The following VASH2 variants were observed in gnomAD, a reference collection of about 807,000 sequenced individuals.
The protein encoded by VASH2 is vasohibin 2.
VASH2 carries 28 observed loss-of-function variants against 37.2 expected under a neutral mutation model. That is an observed-to-expected ratio of 0.75 (90% CI 0.56 to 1.03). The LOEUF (loss-of-function observed/expected upper bound fraction) is 1.03, where lower values mean the gene tolerates loss of function less well. Among genes scored for constraint, VASH2 ranks in the 50% least tolerant of loss-of-function variants. The pLI is 0.00. For missense variants in VASH2, 419 were observed against 459.1 expected (o/e 0.91, Z 0.80); for synonymous variants, 188 against 174.7 (o/e 1.08, Z -0.60).
Position 212,951,959 on chromosome 1 carries a change from CT to C in VASH2, c.276+142del. Reference sequence around the variant, plus strand: ...ACTCCCTTCCTCTCCCCATTCCTTCCTGCCAGCCCTTTTCTAATTGAGATAT... The same window carrying C: ...ACTCCCTTCCTCTCCCCATTCCTTCCGCCAGCCCTTTTCTAATTGAGATAT... On this transcript the variant is annotated intron_variant, in intron 2 of 7. Coordinates refer to ENST00000517399, the MANE Select transcript of VASH2 (RefSeq NM_001301056.2). This position sits in a 1 kb window ranked among gnomAD's most constrained non-coding sequence, Gnocchi z 4.4. The C allele has an allele frequency of 9.5e-7, 1 of 1,050,000 alleles. No individual in the cohort carries two copies. The highest frequency in any genetic ancestry group is 1.3e-6 in the Non-Finnish European group (1 of 748,256). 65.0% of individuals were successfully genotyped at this position (1,050,000 alleles called of 1,614,324 possible).
chr1:212,972,147 T>C (rs1667029631), intron 5 of VASH2, among the ~76,000 whole-genome samples: 1 of 152,150 alleles, frequency 6.6e-6, no homozygotes, highest in Non-Finnish European at 1.5e-5. Context: ...CCTTTACCAA[T>C]TGACTTGGGG....
Position 212,974,056 on chromosome 1 carries a change from C to T in VASH2, c.981C>T (p.Gly327=), listed in dbSNP as rs1448450737. ...AGGCAAGCCCCCCGAGGAGGCTCGG[C>T]CGGCGAGAGAAGTCGTGAGTAATAT... The part of the protein sequence containing the change: ...RRQASPPRRL[G]RREKSPALPE... The change falls in exon 7 of 8, where the codon GGC becomes GGT. Residue 327 remains glycine (G), a synonymous_variant. Transcript: ENST00000517399. 3.1e-6 allele frequency: 5 copies of T among 1,612,634 alleles called. No homozygotes were observed. Among genetic ancestry groups the T allele is most frequent in the Admixed American group, 1.7e-5 (1 of 59,798 alleles).
chr1:212,983,826 A>G (rs941465913), intron 7 of VASH2, among the ~76,000 whole-genome samples: 61 of 152,334 alleles, frequency 4.0e-4, no homozygotes, highest in African/African-American at 1.4e-3. Flanking sequence ...ATGCTTGGAA[A>G]GATGCTTTGA....
Position 212,989,343 on chromosome 1 carries a change from A to G in VASH2, c.*759A>G, listed in dbSNP as rs367823251. ...AAATATCACATTGAGAAGCTAGTCT[A>G]TGTTCTGTCACTAACATTTAAACTT... is the stretch of plus-strand genomic sequence containing the variant. On this transcript the variant is annotated 3_prime_UTR_variant, in exon 8 of 8. Transcript: ENST00000517399. 6.6e-5 allele frequency: 10 copies of G among 152,224 alleles called. No homozygotes were observed. The highest frequency in any genetic ancestry group is 2.0e-4 in the Admixed American group (3 of 15,282). 9.4% of individuals were successfully genotyped at this position (152,224 alleles called of 1,614,324 possible). A position where few individuals can be genotyped will look rare whatever the true frequency, so the allele number is the denominator to read the frequency against.
intron 7 of VASH2, among the ~76,000 whole-genome samples, chr1:212,975,934 G>C (rs529738752): frequency 6.6e-6 from 1 of 152,288 alleles, no homozygotes; most frequent in Non-Finnish European, 1.5e-5. Flanking sequence ...ACTAGTCCTG[G>C]TGGATCCGTT....
At chr1:212,953,236 G>A (rs1352684255) in intron 2 of VASH2, among the ~76,000 whole-genome samples, 5 of 68,690 alleles carry the variant, frequency 7.3e-5, no homozygotes, top group Non-Finnish European at 1.6e-4. Flanking sequence ...TGCGCGGGGG[G>A]GGGTGCATTC....
intron 5 of VASH2, chr1:212,969,157 T>C (rs898146257): frequency 1.0e-6 from 1 of 985,214 alleles, no homozygotes; most frequent in African/African-American, 1.7e-5. Flanking sequence ...ATTTGACTCT[T>C]GCACACAGAC....
intron 5 of VASH2, among the ~76,000 whole-genome samples, chr1:212,970,064 T>TTTAG (rs1274346218): frequency 7.9e-5 from 12 of 152,342 alleles, no homozygotes; most frequent in African/African-American, 2.9e-4. Context: ...ATGGTGGGGC[T>TTTAG]TGCTTGTGGT....
chr1:212,988,812 C>A lies in VASH2; in HGVS notation c.*228C>A. ...AAGCCCCACTGGGGTTGGACTATGTCCCTCACTCAAGATCTTAAGGATAAC... is the reference window on the plus strand; with the variant it reads ...AAGCCCCACTGGGGTTGGACTATGTACCTCACTCAAGATCTTAAGGATAAC... On this transcript the variant is annotated 3_prime_UTR_variant, in exon 8 of 8. Coordinates refer to ENST00000517399, the MANE Select transcript of VASH2 (RefSeq NM_001301056.2). 1.9e-6 allele frequency: 1 copy of A among 522,570 alleles called. No homozygotes were observed. Among genetic ancestry groups the A allele is most frequent in the Non-Finnish European group, 3.5e-6 (1 of 289,518 alleles). 32.4% of individuals were successfully genotyped at this position (522,570 alleles called of 1,614,324 possible).
chr1:212,961,491 C>A, intron 3 of VASH2: 1 of 713,632 alleles, frequency 1.4e-6, no homozygotes, highest in Non-Finnish European at 2.1e-6. Context: ...CTTTCTCCCT[C>A]CTCTTCCCTG....
At chr1:212,955,367 T>G (rs1310610736) in intron 2 of VASH2, among the ~76,000 whole-genome samples, 1 of 152,202 alleles carries the variant, frequency 6.6e-6, no homozygotes, top group Non-Finnish European at 1.5e-5. Flanking sequence ...TTTGAGATCC[T>G]CCTTCTAAAT....
chr1:212,985,347 C>G (rs1667449116), intron 7 of VASH2, among the ~76,000 whole-genome samples: 1 of 150,568 alleles, frequency 6.6e-6, no homozygotes, highest in Non-Finnish European at 1.5e-5. Flanking sequence ...AGCCATGATT[C>G]ACTTTTATGT....
At chr1:212,957,255 G>A (rs748405166) in intron 2 of VASH2, among the ~76,000 whole-genome samples, 7 of 152,120 alleles carry the variant, frequency 4.6e-5, no homozygotes, top group East Asian at 1.9e-4. Flanking sequence ...CGTATATTCC[G>A]TGGTGCGCCA....
chr1:212,955,580 T>C (rs1666465106), intron 2 of VASH2, among the ~76,000 whole-genome samples: 1 of 152,164 alleles, frequency 6.6e-6, no homozygotes, highest in Non-Finnish European at 1.5e-5. Flanking sequence ...AGGACAATCC[T>C]CCTGTTTCTT....
chr1:212,968,054 C>A, intron 5 of VASH2: 1 of 312,284 alleles, frequency 3.2e-6, no homozygotes, highest in Non-Finnish European at 4.7e-6. Context: ...CATGATAATG[C>A]CACAAGGGAA....
chr1:212,968,809 C>T (rs549091506), intron 5 of VASH2: 202 of 985,480 alleles, frequency 2.0e-4, no homozygotes, highest in Middle Eastern at 1.0e-3. Context: ...AAGAGATCAA[C>T]GAAGGGGAAC....
At chr1:212,970,312 C>A (rs557134013) in intron 5 of VASH2, among the ~76,000 whole-genome samples, 2 of 152,166 alleles carry the variant, frequency 1.3e-5, no homozygotes, top group Admixed American at 6.5e-5. Flanking sequence ...TGGGAGAAAT[C>A]CTCAAGATCA....
chr1:212,970,730 A>C (rs1666986512), intron 5 of VASH2, among the ~76,000 whole-genome samples: 1 of 152,054 alleles, frequency 6.6e-6, no homozygotes, highest in Admixed American at 6.6e-5. Flanking sequence ...TCTTTACTAA[A>C]AATACAAAAA....
rs140457516 is a variant in VASH2 at position 212,972,835 on chromosome 1, C to A, written c.753C>A (p.Tyr251Ter). Residue 251 changes from tyrosine (Y) to a stop codon, truncating the protein, a stop_gained, in exon 6 of 8, where the codon TAC becomes TAA. Transcript: ENST00000517399. LOFTEE classifies it high-confidence loss of function. ...HTVKKVKIGL[Y>*]VPHEPHSFQP... ...TCAAGAAGGTCAAGATTGGGCTGTACGTCCCCCATGAGCCTCATAGCTTCC... is the reference window on the plus strand; with the variant it reads ...TCAAGAAGGTCAAGATTGGGCTGTAAGTCCCCCATGAGCCTCATAGCTTCC... The A allele has an allele frequency of 6.2e-7, 1 of 1,614,054 alleles. No homozygotes were observed. The highest frequency in any genetic ancestry group is 8.5e-7 in the Non-Finnish European group (1 of 1,180,048).
Sources: gnomAD v4.1 joint callset for allele counts (sites outside exome capture counted in the v4.1 genomes callset) on GRCh38, gnomAD v4.1.1 for gene constraint, Gnocchi (gnomAD v3.1) non-coding constraint, MANE v1.5 for transcripts, NCBI Gene and HGNC (gene_info 2026-07-23, HGNC 2026-07-21) for gene names.